Variants in CHD9 observed in about 807,000 individuals in gnomAD.
The protein encoded by CHD9 is ATP-dependent chromatin remodeler CHD9.
CHD9 carries 77 observed loss-of-function variants against 316.1 expected under a neutral mutation model. The observed-to-expected ratio is 0.24, with a 90% CI of 0.20 to 0.29. The LOEUF (loss-of-function observed/expected upper bound fraction) is 0.29. CHD9 is among the 10% of genes least tolerant of loss of function. The pLI is 1.00. For missense variants in CHD9, 2,763 were observed against 3,438.1 expected, an observed-to-expected ratio of 0.80 and a Z score of 4.91; for synonymous variants, 1,129 against 1,158.3, an observed-to-expected ratio of 0.97 and a Z score of 0.51.
chr16:53,321,100 T>C (rs1318004746), intron 37 of CHD9: 1 of 547,850 alleles, frequency 1.8e-6, no homozygotes, highest in African/African-American at 1.9e-5. Context: ...GGTACTTGAA[T>C]TGTCTCATTT....
At chr16:53,282,688 G>A (rs1162247538) in intron 24 of CHD9, among the ~76,000 whole-genome samples, 24 of 152,116 alleles carry the variant, frequency 1.6e-4, no homozygotes. Flanking sequence ...CTACCACAAT[G>A]CAGCTTCTAC....
intron 26 of CHD9, among the ~76,000 whole-genome samples, 180 bp from the exon 27 acceptor site, chr16:53,287,777 T>G (rs539841411): frequency 4.6e-5 from 7 of 152,298 alleles, no homozygotes; most frequent in Non-Finnish European, 8.8e-5. Context: ...ACATTAGAAC[T>G]AGCTTTCTCC....
Position 53,227,456 on chromosome 16 carries a change from A to G in CHD9, c.2104A>G (p.Lys702Glu). ...CAAAATTCTATCTTCTAGAACCGTA[A>G]AAAAGGAAGTAAGTACTGGTACATT... ...VDKILSSRTV[K>E]KEISPGVMID... Residue 702 changes from lysine (K) to glutamate (E), a missense_variant, in exon 6 of 39, where the codon AAA (lysine) becomes GAA (glutamate). This residue lies in a region of CHD9 where 859 missense variants were observed against 890.4 expected (regional missense o/e 0.96). Transcript: ENST00000447540. 6.4e-7 allele frequency: 1 copy of G among 1,560,436 alleles called. No homozygotes were observed. The highest frequency in any genetic ancestry group is 8.7e-7 in the Non-Finnish European group (1 of 1,150,302).
chr16:53,241,629 A>T (rs1430552488), intron 12 of CHD9, among the ~76,000 whole-genome samples: 1 of 152,232 alleles, frequency 6.6e-6, no homozygotes, highest in East Asian at 1.9e-4. Flanking sequence ...GTTCAAGCTA[A>T]AATTTTTAGA....
At chr16:53,067,056 C>A (rs571730300) in intron 1 of CHD9, among the ~76,000 whole-genome samples, 1 of 152,220 alleles carries the variant, frequency 6.6e-6, no homozygotes, top group African/African-American at 2.4e-5. Context: ...CATCCTCCCA[C>A]GTCAGCCTCC....
intron 3 of CHD9, among the ~76,000 whole-genome samples, chr16:53,217,041 G>A (rs1351772637): frequency 6.6e-6 from 1 of 152,092 alleles, no homozygotes; most frequent in Non-Finnish European, 1.5e-5. Context: ...CCTCATGCAA[G>A]TTTTGTCGGT....
intron 24 of CHD9, among the ~76,000 whole-genome samples, chr16:53,283,420 A>G (rs2153037459): frequency 6.6e-6 from 1 of 152,132 alleles, no homozygotes; most frequent in East Asian, 1.9e-4. Context: ...TGCTTATGGC[A>G]CTTACATTTG....
intron 1 of CHD9, among the ~76,000 whole-genome samples, chr16:53,124,700 G>C (rs1301484431): frequency 6.6e-6 from 1 of 151,902 alleles, no homozygotes; most frequent in Non-Finnish European, 1.5e-5. Flanking sequence ...GGTTGGTCTT[G>C]AATTCCTGAT....
intron 3 of CHD9, among the ~76,000 whole-genome samples, chr16:53,215,633 G>A (rs2056841163): frequency 6.6e-6 from 1 of 152,018 alleles, no homozygotes; most frequent in Admixed American, 6.6e-5. Flanking sequence ...TTATATTTTT[G>A]CCTTTTTTTT....
chr16:53,110,773 G>A (rs1418245828), intron 1 of CHD9, among the ~76,000 whole-genome samples: 2 of 152,152 alleles, frequency 1.3e-5, no homozygotes, highest in Non-Finnish European at 1.5e-5. Flanking sequence ...AAATAAAAAT[G>A]TTAATAAAAA....
At chr16:53,304,688 CTTTTCTT>C (rs1413697437) in intron 31 of CHD9, 63 bp downstream of exon 31, 70 of 794,864 alleles carry the variant, frequency 8.8e-5, no homozygotes, top group African/African-American at 6.9e-4. Flanking sequence ...CTTTTCTTTT[CTTTTCTT>C]TTTTTTTTTT....
At chr16:53,285,021 C>T (rs2041790) in intron 24 of CHD9, among the ~76,000 whole-genome samples, 42,266 of 152,022 alleles carry the variant, frequency 0.28, 5,968 homozygotes, top group Middle Eastern at 0.32. Flanking sequence ...CCCGCCTCTG[C>T]CCCCTAAAGT....
At chr16:53,146,437 A>ATATATATATATATATATATATAT (rs58622741) in intron 1 of CHD9, among the ~76,000 whole-genome samples, 84 of 129,530 alleles carry the variant, frequency 6.5e-4, no homozygotes, top group African/African-American at 8.4e-4. Flanking sequence ...ATATATATAT[A>ATATATATATATATATATATATAT]ATTAAAAAGT....
At chr16:53,303,665 T>C (rs900569745) in intron 30 of CHD9, 55 bp from the exon 31 acceptor site, 6 of 1,245,416 alleles carry the variant, frequency 4.8e-6, no homozygotes, top group African/African-American at 3.0e-5. Context: ...TAATGATTTA[T>C]TTATAAATAA....
At chr16:53,070,135 GTTCT>G in intron 1 of CHD9, among the ~76,000 whole-genome samples, 2 of 151,920 alleles carry the variant, frequency 1.3e-5, no homozygotes, top group South Asian at 4.2e-4. Flanking sequence ...GAGTTGTGGG[GTTCT>G]TTATCTATTT....
chr16:53,279,072 C>A (rs540374071), intron 24 of CHD9, among the ~76,000 whole-genome samples: 1 of 152,108 alleles, frequency 6.6e-6, no homozygotes, highest in Non-Finnish European at 1.5e-5. Flanking sequence ...ACGTATATTG[C>A]GGCACTATTC....
chr16:53,086,802 T>C (rs1047938840), intron 1 of CHD9, among the ~76,000 whole-genome samples: 2 of 152,198 alleles, frequency 1.3e-5, no homozygotes, highest in African/African-American at 4.8e-5. Context: ...GCCAATTTTA[T>C]TGTATCTATA....
rs78809654 is a variant in CHD9 at position 53,133,610 on chromosome 16, G to C, written c.-164-22316G>C. ...CCTGTGTAAAACTTTGTTTCCTCCA[G>C]TTTTACTATTGTAGGATTCTAAGTA... On this transcript the variant is annotated intron_variant, in intron 1 of 38. Coordinates refer to ENST00000447540, the MANE Select transcript of CHD9 (RefSeq NM_001308319.2). 6.6e-3 allele frequency among the ~76,000 whole-genome samples: 998 copies of C among 152,144 alleles called. 6 individuals are homozygous for C. The highest frequency in any genetic ancestry group is 0.023 in the African/African-American group (957 of 41,486).
At chr16:53,318,611 G>A (rs564398156) in intron 37 of CHD9, among the ~76,000 whole-genome samples, 63 of 152,288 alleles carry the variant, frequency 4.1e-4, no homozygotes, top group African/African-American at 1.4e-3. Flanking sequence ...ACAAGGGCAC[G>A]ACATCAAAAA....
Sources: gnomAD v4.1 joint callset for allele counts (sites outside exome capture counted in the v4.1 genomes callset) on GRCh38, gnomAD v4.1.1 for gene constraint, gnomAD v4.1.1 regional missense constraint, MANE v1.5 for transcripts, NCBI Gene and HGNC (gene_info 2026-07-23, HGNC 2026-07-21) for gene names.